RAC1: variants seen among roughly 807,000 people sequenced by gnomAD.
The protein encoded by RAC1 is Rac family small GTPase 1.
A neutral mutation model predicts 25.2 loss-of-function variants in RAC1; 2 were observed. That is an observed-to-expected ratio of 0.08 (90% confidence interval 0.03 to 0.25). The LOEUF (loss-of-function observed/expected upper bound fraction) is 0.25. Among genes scored for constraint, RAC1 ranks in the 10% least tolerant of loss-of-function variants. RAC1 has a pLI of 1.00. For missense variants in RAC1, 50 were observed against 235.7 expected (o/e 0.21, Z 5.16); for synonymous variants, 88 against 94.0 (o/e 0.94, Z 0.37).
chr7:6,385,422 A>C (rs1052997065), intron 1 of RAC1, among the ~76,000 whole-genome samples: 3 of 152,162 alleles, frequency 2.0e-5, no homozygotes, highest in Admixed American at 1.3e-4. Flanking sequence ...GAAACTTGCC[A>C]AAAAATACAG....
intron 5 of RAC1, 50 bp downstream of exon 5, chr7:6,402,077 G>T (rs1485552385): frequency 6.3e-7 from 1 of 1,577,068 alleles, no homozygotes; most frequent in African/African-American, 1.3e-5. Flanking sequence ...TTATTGTAGT[G>T]ACAGAGACTG....
chr7:6,387,586 G>A (rs1333915707), intron 2 of RAC1, among the ~76,000 whole-genome samples: 3 of 152,064 alleles, frequency 2.0e-5, no homozygotes, highest in African/African-American at 7.2e-5. Flanking sequence ...TTAGCCAGGT[G>A]TGGTGGCGGG....
chr7:6,400,762 G>A (rs35390579), intron 4 of RAC1, among the ~76,000 whole-genome samples: 1,758 of 151,852 alleles, frequency 0.012, 35 homozygotes, highest in African/African-American at 0.04. Context: ...TGCAACTTCC[G>A]CCTCCTGGGT....
chr7:6,376,672 G>GTTTTTTTTTTTTTTT (rs71008385), intron 1 of RAC1, among the ~76,000 whole-genome samples: 1 of 99,962 alleles, frequency 1.0e-5, no homozygotes, highest in Non-Finnish European at 1.9e-5. Context: ...CAGCTAATTT[G>GTTTTTTTTTTTTTTT]TTTTTTTTTT....
At chr7:6,386,796 AAAAAAAAAG>A (rs1488901528) in intron 1 of RAC1, among the ~76,000 whole-genome samples, 51 of 151,492 alleles carry the variant, frequency 3.4e-4, no homozygotes, top group African/African-American at 6.8e-4. Context: ...CTCAAAAAAA[AAAAAAAAAG>A]AAAAAAAAGA....
At chr7:6,387,618 G>T (rs1471935565) in intron 2 of RAC1, among the ~76,000 whole-genome samples, 2 of 151,988 alleles carry the variant, frequency 1.3e-5, no homozygotes, top group Admixed American at 6.6e-5. Flanking sequence ...CCACATACTT[G>T]GGAGGCTGAG....
At chr7:6,381,477 C>T (rs939495424) in intron 1 of RAC1, among the ~76,000 whole-genome samples, 1 of 150,994 alleles carries the variant, frequency 6.6e-6, no homozygotes, top group African/African-American at 2.4e-5. Flanking sequence ...ACTGCAACCT[C>T]TGCCTCCCAG....
intron 1 of RAC1, among the ~76,000 whole-genome samples, chr7:6,376,506 C>CT (rs1315630129): frequency 0.032 from 2,643 of 82,950 alleles, 85 homozygotes; most frequent in African/African-American, 0.11. Context: ...TTTTTCTTTT[C>CT]TTTTTTTTTT....
intron 1 of RAC1, among the ~76,000 whole-genome samples, chr7:6,384,169 A>G (rs770832038): frequency 1.3e-5 from 2 of 151,910 alleles, no homozygotes; most frequent in African/African-American, 2.4e-5. Context: ...CATCCAAACC[A>G]TGGGTAAGCG....
At chr7:6,378,180 C>CG (rs1491459304) in intron 1 of RAC1, among the ~76,000 whole-genome samples, 51 of 151,356 alleles carry the variant, frequency 3.4e-4, no homozygotes, top group African/African-American at 1.2e-3. Flanking sequence ...ATGAAAATCT[C>CG]TATTTCAATC....
chr7:6,378,945 C>G (rs1782684667), intron 1 of RAC1, among the ~76,000 whole-genome samples: 1 of 151,954 alleles, frequency 6.6e-6, no homozygotes, highest in Non-Finnish European at 1.5e-5. Context: ...AAAAAATTAG[C>G]CAAGGATGGT....
intron 4 of RAC1, among the ~76,000 whole-genome samples, chr7:6,400,740 A>G (rs912359157): frequency 3.9e-5 from 6 of 152,006 alleles, no homozygotes; most frequent in African/African-American, 1.2e-4. Flanking sequence ...CAGTGACGCA[A>G]TCTTGGCTCA....
chr7:6,374,864 C>G (rs2115177386), intron 1 of RAC1, 94 bp downstream of exon 1: 1 of 987,870 alleles, frequency 1.0e-6, no homozygotes, highest in Non-Finnish European at 1.2e-6. Context: ...CGGCGTCCGC[C>G]GCGGTCTCGC....
At chr7:6,387,068 G>C (rs545391813) in intron 1 of RAC1, 144 bp from the exon 2 acceptor site, 3 of 567,244 alleles carry the variant, frequency 5.3e-6, no homozygotes, top group Non-Finnish European at 9.2e-6. Context: ...TGGTGATAAA[G>C]GGTTATAGAA....
In RAC1 at chr7:6,402,733, C is replaced by G. The variant is rs114923537; in HGVS notation, c.*287C>G. ...CCTTATTTTTCAAAAGCGCCCCCCC[C>G]ATTCTTGTTCAGATTAAGAGTTGCC... On this transcript the variant is annotated 3_prime_UTR_variant, in exon 6 of 6. Coordinates refer to ENST00000348035, the MANE Select transcript of RAC1 (RefSeq NM_006908.5). 1.4e-5 allele frequency: 4 copies of G among 283,726 alleles called. No individual in the cohort carries two copies. Among genetic ancestry groups the G allele is most frequent in the East Asian group, 1.2e-4 (2 of 17,074 alleles). The allele number at this position is 283,726 out of a possible 1,614,324, so 17.6% of individuals were successfully genotyped here.
chr7:6,382,629 C>T (rs1318483676), intron 1 of RAC1, among the ~76,000 whole-genome samples: 2 of 152,108 alleles, frequency 1.3e-5, no homozygotes, highest in East Asian at 1.9e-4. Flanking sequence ...TTTGGGAGGC[C>T]GATGGGGTGG....
chr7:6,384,810 T>A (rs907640301), intron 1 of RAC1, among the ~76,000 whole-genome samples: 7 of 152,012 alleles, frequency 4.6e-5, no homozygotes, highest in African/African-American at 9.7e-5. Flanking sequence ...TTTAAAAAAA[T>A]TTATTTTTTT....
chr7:6,375,109 T>G (rs544939842), intron 1 of RAC1, among the ~76,000 whole-genome samples: 83 of 150,432 alleles, frequency 5.5e-4, no homozygotes, highest in African/African-American at 1.9e-3. Context: ...ATTTTGACCA[T>G]TTTTCCAAAA....
At chr7:6,378,036 G>C (rs990674906) in intron 1 of RAC1, among the ~76,000 whole-genome samples, 4 of 152,060 alleles carry the variant, frequency 2.6e-5, no homozygotes, top group African/African-American at 9.7e-5. Flanking sequence ...CTTACACTGG[G>C]CTCTTAAGGA....
Sources: gnomAD v4.1 joint callset for allele counts (sites outside exome capture counted in the v4.1 genomes callset) on GRCh38, gnomAD v4.1.1 for gene constraint, MANE v1.5 for transcripts, NCBI Gene and HGNC (gene_info 2026-07-23, HGNC 2026-07-21) for gene names.